SCN9A: variants seen among roughly 807,000 people sequenced by gnomAD.
SCN9A encodes sodium channel protein type 9 subunit alpha.
A neutral mutation model predicts 187.0 loss-of-function variants in SCN9A; 131 were observed. The observed-to-expected ratio is 0.70, with a 90% CI of 0.61 to 0.81. The LOEUF (loss-of-function observed/expected upper bound fraction) is 0.81, where lower values mean the gene tolerates loss of function less well. Among genes scored for constraint, SCN9A ranks in the 30% least tolerant of loss-of-function variants. SCN9A has a pLI of 0.00. For synonymous variants in SCN9A, 809 were observed against 808.6 expected, an observed-to-expected ratio of 1.00 and a Z score of -0.01; for missense variants, 2,252 against 2,396.6, an observed-to-expected ratio of 0.94 and a Z score of 1.26.
At chr2:166,263,723 A>G (rs76581711) in intron 17 of SCN9A, among the ~76,000 whole-genome samples, 11,659 of 152,066 alleles carry the variant, frequency 0.077, 453 homozygotes, top group Non-Finnish European at 0.087. Context: ...CACAATGAAG[A>G]TGAGGTCATT....
intron 17 of SCN9A, among the ~76,000 whole-genome samples, chr2:166,260,039 GATT>G (rs1454109526): frequency 3.3e-5 from 5 of 151,744 alleles, no homozygotes; most frequent in Admixed American, 2.6e-4. Context: ...ATTTTTAAAA[GATT>G]ATTATATTTT....
At chr2:166,229,489 T>C (rs183291482) in intron 21 of SCN9A, among the ~76,000 whole-genome samples, 2 of 152,222 alleles carry the variant, frequency 1.3e-5, no homozygotes, top group African/African-American at 4.8e-5. Context: ...GAATTATGAC[T>C]GGACATCATT....
intron 1 of SCN9A, among the ~76,000 whole-genome samples, chr2:166,356,953 G>A (rs1700164238): frequency 6.6e-6 from 1 of 151,740 alleles, no homozygotes; most frequent in Non-Finnish European, 1.5e-5. Context: ...ACTCTTTTGT[G>A]GGCTCTTTTT....
Position 166,233,446 on chromosome 2 carries a change from A to G in SCN9A, c.3818T>C (p.Leu1273Ser). Residue 1273 changes from leucine (L) to serine (S), a missense_variant, in exon 21 of 27, where the codon TTA becomes TCA. Physicochemically the swap from Leu to Ser is moderately radical, Grantham distance 145. Around this residue, in one of 7 missense-constraint regions of SCN9A, gnomAD observed 368 missense variants for 408.6 expected, o/e 0.90. Coordinates refer to ENST00000642356, the MANE Select transcript of SCN9A (RefSeq NM_001365536.1). ...FLIVDVSLVT[L>S]VANTLGYSDL... Reference sequence around the variant, plus strand: ...TGAGTAGCCAAGAGTGTTTGCCACTAAAGTAACCAAAGAAACCTATAAAAA... The same window carrying G: ...TGAGTAGCCAAGAGTGTTTGCCACTGAAGTAACCAAAGAAACCTATAAAAA... 6 of 1,571,062 alleles carry G rather than the reference A, an allele frequency of 3.8e-6. 1 individual carries two copies. The highest frequency in any genetic ancestry group is 5.1e-6 in the Non-Finnish European group (6 of 1,166,852).
At position 166,251,872 on chromosome 2, in the gene SCN9A, G is replaced by A. The variant is rs2106426541; in HGVS notation, c.3365C>T (p.Ser1122Leu). 6.2e-7 allele frequency: 1 copy of A among 1,612,288 alleles called. No homozygotes were observed. Among genetic ancestry groups the A allele is most frequent in the Admixed American group, 1.7e-5 (1 of 59,790 alleles). Residue 1122 changes from serine to leucine, a missense_variant, in exon 18 of 27, where the codon TCA (serine) becomes TTA (leucine). Ser to Leu is a moderately radical substitution (Grantham distance 145, BLOSUM62 -2). Coordinates refer to ENST00000642356, the MANE Select transcript of SCN9A (RefSeq NM_001365536.1). ...AACTGTGCTGCACTCTGAGGAGCTT[G>A]ACCGGTTTAATCTCTAGAAAGGAAT... ...SEYSKVRLNRSSSSECSTVDN... is the reference protein window; with the variant it reads ...SEYSKVRLNRLSSSECSTVDN...
chr2:166,232,014 G>C (rs11689456), intron 21 of SCN9A, among the ~76,000 whole-genome samples: 20,715 of 152,086 alleles, frequency 0.14, 1,795 homozygotes, highest in East Asian at 0.35. Context: ...GACGGACAAG[G>C]CAACTTTAAA....
intron 6 of SCN9A, chr2:166,303,953 A>T: frequency 1.5e-6 from 2 of 1,345,716 alleles, no homozygotes; most frequent in Non-Finnish European, 2.1e-6. Context: ...TTTAATTAAA[A>T]TTGCATAAAG....
intron 21 of SCN9A, among the ~76,000 whole-genome samples, chr2:166,231,367 A>ATACTTGGAAATTTATACTTGGAAAT: frequency 6.6e-6 from 1 of 152,230 alleles, no homozygotes; most frequent in Non-Finnish European, 1.5e-5. Context: ...GGAAACCGTT[A>ATACTTGGAAATTTATACTTGGAAAT]TACACTGGAT....
chr2:166,267,383 T>G (rs1696787262), intron 17 of SCN9A, among the ~76,000 whole-genome samples: 1 of 151,980 alleles, frequency 6.6e-6, no homozygotes, highest in African/African-American at 2.4e-5. Context: ...TTGAAACATC[T>G]TTGCATCCCT....
At position 166,344,182 on chromosome 2, in the gene SCN9A, A is replaced by G. The variant is rs553433381; in HGVS notation, c.-51+31515T>C. On this transcript the variant is annotated intron_variant, in intron 1 of 26. Coordinates refer to ENST00000642356, the MANE Select transcript of SCN9A (RefSeq NM_001365536.1). ...AAAGTACTTAATTGAAAAATTATTG[A>G]TCACATCACATTACTTAGAATAAAT... Among the ~76,000 whole-genome samples the G allele has an allele frequency of 5.4e-4, 83 of 152,330 alleles. 3 individuals are homozygous for G. In the South Asian group the frequency reaches 0.017, roughly 31 times the overall value.
intron 1 of SCN9A, among the ~76,000 whole-genome samples, chr2:166,363,282 T>C (rs1028409711): frequency 6.6e-6 from 1 of 152,078 alleles, no homozygotes; most frequent in Non-Finnish European, 1.5e-5. Flanking sequence ...CTTTTCTTTC[T>C]TACTCATTAA....
chr2:166,228,222 G>C (rs58582570), intron 22 of SCN9A, among the ~76,000 whole-genome samples: 13,416 of 145,754 alleles, frequency 0.092, 662 homozygotes, highest in African/African-American at 0.13. Flanking sequence ...ATTCATGTAG[G>C]AACATGTTCT....
chr2:166,375,428 G>T (rs891154773), intron 1 of SCN9A, among the ~76,000 whole-genome samples: 3 of 152,180 alleles, frequency 2.0e-5, no homozygotes, highest in Non-Finnish European at 4.4e-5. Flanking sequence ...CACAGTTTCA[G>T]AACCTGGCAG....
At chr2:166,357,967 T>C (rs900294451) in intron 1 of SCN9A, among the ~76,000 whole-genome samples, 12 of 141,766 alleles carry the variant, frequency 8.5e-5, no homozygotes, top group South Asian at 4.4e-4. Flanking sequence ...TGTTTGCACA[T>C]ACCTTCAATA....
At chr2:166,287,756 T>G (rs1697836536) in intron 10 of SCN9A, among the ~76,000 whole-genome samples, 3 of 151,944 alleles carry the variant, frequency 2.0e-5, no homozygotes, top group African/African-American at 7.2e-5. Flanking sequence ...ACAACCTAAA[T>G]TAGCCACACC....
chr2:166,205,802 TA>T (rs1301198618), intron 24 of SCN9A, among the ~76,000 whole-genome samples: 2 of 151,298 alleles, frequency 1.3e-5, no homozygotes, highest in African/African-American at 2.4e-5. Flanking sequence ...ACAAAGAACT[TA>T]AACAAATTTA....
chr2:166,279,162 T>G (rs1002979332), intron 14 of SCN9A, among the ~76,000 whole-genome samples: 2 of 152,116 alleles, frequency 1.3e-5, no homozygotes, highest in African/African-American at 4.8e-5. Context: ...CCACCAACAA[T>G]TAGAAACTAG....
chr2:166,361,863 T>A lies in SCN9A; in HGVS notation c.-51+13834A>T, dbSNP rs144392389. 2.9e-3 allele frequency among the ~76,000 whole-genome samples: 447 copies of A among 152,196 alleles called. 2 individuals carry two copies. Among genetic ancestry groups the A allele is most frequent in the African/African-American group, 9.9e-3 (412 of 41,562 alleles). ...CAGAGGATTTTTCATTAGCAGCGGA[T>A]GCTCCAGAACTTAATGCTAAAGTGA... On this transcript the variant is annotated intron_variant, in intron 1 of 26. Coordinates refer to ENST00000642356, the MANE Select transcript of SCN9A (RefSeq NM_001365536.1).
At chr2:166,224,855 A>T (rs1328416383) in intron 24 of SCN9A, among the ~76,000 whole-genome samples, 1 of 152,192 alleles carries the variant, frequency 6.6e-6, no homozygotes, top group Admixed American at 6.5e-5. Context: ...TTTAGCTGTC[A>T]GGCCATGTGC....
Sources: gnomAD v4.1 joint callset for allele counts (sites outside exome capture counted in the v4.1 genomes callset) on GRCh38, gnomAD v4.1.1 for gene constraint, gnomAD v4.1.1 regional missense constraint, MANE v1.5 for transcripts, NCBI Gene and HGNC (gene_info 2026-07-23, HGNC 2026-07-21) for gene names.